The following PIK3AP1 variants were observed in gnomAD, a reference collection of about 807,000 sequenced individuals.
The protein encoded by PIK3AP1 is phosphoinositide 3-kinase adapter protein 1.
In PIK3AP1, 21 loss-of-function variants were observed where a neutral mutation model predicts 88.1. The ratio of observed to expected loss-of-function variants is 0.24; its 90% CI spans 0.17 to 0.34. The LOEUF is 0.34. PIK3AP1 is among the 10% of genes least tolerant of loss of function. PIK3AP1 has a pLI of 1.00. For missense variants in PIK3AP1, 828 were observed against 1,035.7 expected (o/e 0.80, Z 2.75); for synonymous variants, 398 against 400.0 (o/e 1.00, Z 0.06).
intron 2 of PIK3AP1, among the ~76,000 whole-genome samples, chr10:96,685,895 A>C (rs1222145206): frequency 6.6e-6 from 1 of 152,182 alleles, no homozygotes; most frequent in Non-Finnish European, 1.5e-5. Flanking sequence ...ACTAATGCCC[A>C]CACACTGGCT....
intron 2 of PIK3AP1, among the ~76,000 whole-genome samples, chr10:96,705,894 T>G (rs1270861582): frequency 1.2e-4 from 16 of 131,592 alleles, no homozygotes; most frequent in African/African-American, 2.1e-4. Flanking sequence ...GTTTTTTTTT[T>G]TTTTTTTTTT....
At chr10:96,620,277 C>G in intron 12 of PIK3AP1, 75 bp downstream of exon 12, 1 of 1,466,936 alleles carries the variant, frequency 6.8e-7, no homozygotes. Flanking sequence ...ATACACAAGA[C>G]AGCCATGGCC....
chr10:96,652,874 C>G, intron 3 of PIK3AP1, 32 bp from the exon 4 acceptor site: 3 of 1,606,054 alleles, frequency 1.9e-6, no homozygotes, highest in Non-Finnish European at 2.5e-6. Context: ...TGTCCCCTCT[C>G]CCTCTCAGAT....
intron 13 of PIK3AP1, among the ~76,000 whole-genome samples, chr10:96,615,264 C>G (rs558360304): frequency 1.3e-5 from 2 of 152,090 alleles, no homozygotes; most frequent in African/African-American, 2.4e-5. Context: ...AGGCTGTGAG[C>G]AGGAATGTGT....
rs1217409363 is a variant in PIK3AP1 at position 96,594,924 on chromosome 10, G to C, written c.*653C>G. On this transcript the variant is annotated 3_prime_UTR_variant, in exon 17 of 17. Transcript: ENST00000339364. This position sits in a 1 kb window ranked among gnomAD's most constrained non-coding sequence, Gnocchi z 4.6. ...TGGAGATGGAAAATGTGGTGACCTA[G>C]AATGAGCAGGCCCAGTCTAGACTAA... The C allele has an allele frequency of 6.6e-6, 1 of 152,438 alleles. No homozygotes were observed. Among genetic ancestry groups the C allele is most frequent in the Non-Finnish European group, 1.5e-5 (1 of 68,048 alleles). 9.4% of individuals were successfully genotyped at this position (152,438 alleles called of 1,614,324 possible).
intron 11 of PIK3AP1, 21 bp from the exon 12 acceptor site, chr10:96,620,578 C>A: frequency 6.2e-7 from 1 of 1,606,808 alleles, no homozygotes; most frequent in Non-Finnish European, 8.5e-7. Flanking sequence ...TGGCAAAACT[C>A]AGCTTGACAG....
intron 2 of PIK3AP1, among the ~76,000 whole-genome samples, chr10:96,694,463 C>T (rs1385897713): frequency 1.3e-5 from 2 of 151,800 alleles, no homozygotes; most frequent in South Asian, 4.2e-4. Context: ...CAGATGATCC[C>T]AAAGTTTCCT....
chr10:96,650,948 C>G (rs1843528663), intron 6 of PIK3AP1, among the ~76,000 whole-genome samples: 1 of 152,188 alleles, frequency 6.6e-6, no homozygotes, highest in Non-Finnish European at 1.5e-5. Context: ...TCATGCTATC[C>G]CTATGAGGAA....
At chr10:96,688,258 G>A (rs1025863421) in intron 2 of PIK3AP1, among the ~76,000 whole-genome samples, 1 of 152,056 alleles carries the variant, frequency 6.6e-6, no homozygotes, top group Admixed American at 6.6e-5. Context: ...CACACCACCT[G>A]AGCCCTCTAA....
intron 8 of PIK3AP1, among the ~76,000 whole-genome samples, chr10:96,636,397 G>A (rs1212048341): frequency 1.3e-5 from 2 of 152,046 alleles, no homozygotes; most frequent in Non-Finnish European, 2.9e-5. Context: ...TTTTTTAAAA[G>A]GTACCTGGTT....
chr10:96,649,021 T>C (rs949576878), intron 6 of PIK3AP1, among the ~76,000 whole-genome samples, 166 bp from the exon 7 acceptor site: 1 of 152,194 alleles, frequency 6.6e-6, no homozygotes, highest in South Asian at 2.1e-4. Context: ...AGGACACCAC[T>C]GAAGATCATG....
intron 2 of PIK3AP1, among the ~76,000 whole-genome samples, chr10:96,659,084 G>A (rs770860072): frequency 6.6e-6 from 1 of 152,092 alleles, no homozygotes. Flanking sequence ...ACTCAGCACA[G>A]GAGCTTGTAA....
chr10:96,611,023 A>C (rs1849099687), intron 13 of PIK3AP1, among the ~76,000 whole-genome samples: 1 of 152,172 alleles, frequency 6.6e-6, no homozygotes, highest in Non-Finnish European at 1.5e-5. Flanking sequence ...CGTGGCAGGA[A>C]GTTCAGAGAG....
intron 11 of PIK3AP1, among the ~76,000 whole-genome samples, 186 bp downstream of exon 11, chr10:96,623,286 C>T (rs780385345): frequency 3.3e-5 from 5 of 152,026 alleles, no homozygotes; most frequent in African/African-American, 4.8e-5. Flanking sequence ...TGGTCTCAAA[C>T]TCCTGGCCTC....
At chr10:96,680,014 C>G (rs1252827135) in intron 2 of PIK3AP1, among the ~76,000 whole-genome samples, 1 of 152,124 alleles carries the variant, frequency 6.6e-6, no homozygotes, top group African/African-American at 2.4e-5. Context: ...TCATGTCCAC[C>G]CTTCCTTCCT....
intron 2 of PIK3AP1, among the ~76,000 whole-genome samples, chr10:96,680,700 A>G (rs1412273095): frequency 6.6e-6 from 1 of 152,200 alleles, no homozygotes; most frequent in Non-Finnish European, 1.5e-5. Context: ...TTCTTTATCC[A>G]GTCTACCATT....
intron 13 of PIK3AP1, among the ~76,000 whole-genome samples, chr10:96,615,802 G>T (rs1849205582): frequency 6.6e-6 from 1 of 152,214 alleles, no homozygotes; most frequent in Non-Finnish European, 1.5e-5. Flanking sequence ...GGACACCAGG[G>T]TGTTACCAGC....
chr10:96,631,240 A>G (rs1423187562), intron 8 of PIK3AP1, among the ~76,000 whole-genome samples: 1 of 152,208 alleles, frequency 6.6e-6, no homozygotes, highest in Admixed American at 6.5e-5. Flanking sequence ...CCTCAGGACC[A>G]TTTTAATCAC....
intron 2 of PIK3AP1, among the ~76,000 whole-genome samples, chr10:96,657,487 C>T (rs934204828): frequency 2.6e-5 from 4 of 152,164 alleles, no homozygotes; most frequent in South Asian, 4.1e-4. Context: ...ACCTGTACCA[C>T]GGAAAGATTG....
Sources: allele counts gnomAD v4.1 joint callset (sites outside exome capture counted in the v4.1 genomes callset), GRCh38; gene constraint gnomAD v4.1.1; non-coding constraint Gnocchi (gnomAD v3.1); transcripts MANE v1.5; gene names NCBI Gene and HGNC (gene_info 2026-07-23, HGNC 2026-07-21).